Variants in PRRG1 observed in about 807,000 individuals in gnomAD.
The protein encoded by PRRG1 is transmembrane gamma-carboxyglutamic acid protein 1.
PRRG1 carries 5 observed loss-of-function variants against 11.8 expected under a neutral mutation model. That is an observed-to-expected ratio of 0.42 (90% confidence interval 0.22 to 0.89). PRRG1 has a LOEUF of 0.89. Among genes scored for constraint, PRRG1 ranks in the 40% least tolerant of loss-of-function variants. PRRG1 has a pLI of 0.28. For missense variants in PRRG1, 155 were observed against 166.1 expected, an observed-to-expected ratio of 0.93 and a Z score of 0.37; for synonymous variants, 66 against 60.4, an observed-to-expected ratio of 1.09 and a Z score of -0.43.
At chrX:37,436,720 G>GT (rs1400267741) in intron 3 of PRRG1, among the ~76,000 whole-genome samples, 6 of 112,415 alleles carry the variant, frequency 5.3e-5, no homozygotes, top group Admixed American at 1.9e-4. Context: ...TGACTAAAGA[G>GT]TTGTTAGGGA....
chrX:37,446,053 A>G (rs782088829), intron 3 of PRRG1, among the ~76,000 whole-genome samples: 2 of 112,647 alleles, frequency 1.8e-5, no homozygotes, highest in South Asian at 3.7e-4. Flanking sequence ...TAAATGTGCA[A>G]TTGTCTTTGT....
intron 3 of PRRG1, chrX:37,441,264 G>T: frequency 1.3e-6 from 1 of 765,061 alleles, no homozygotes; most frequent in South Asian, 6.6e-5. Flanking sequence ...ATAAGAGAAA[G>T]TCCTTGGACA....
chrX:37,402,234 T>G (rs1357853418), intron 1 of PRRG1, among the ~76,000 whole-genome samples: 1 of 111,392 alleles, frequency 9.0e-6, no homozygotes, highest in Non-Finnish European at 1.9e-5. Flanking sequence ...GACTTCAAAC[T>G]ATACTACAAG....
chrX:37,414,593 A>G (rs1044899667), intron 2 of PRRG1, among the ~76,000 whole-genome samples: 3 of 113,043 alleles, frequency 2.7e-5, no homozygotes, highest in East Asian at 2.8e-4. Flanking sequence ...CCCCTGGTAC[A>G]TAACACCTCT....
chrX:37,364,892 C>A (rs1930521008), intron 1 of PRRG1, among the ~76,000 whole-genome samples: 1 of 112,263 alleles, frequency 8.9e-6, no homozygotes, highest in Non-Finnish European at 1.9e-5. Context: ...TGTCTCCAAA[C>A]AGCCTTATTT....
chrX:37,411,045 T>C (rs1315948905), intron 2 of PRRG1, among the ~76,000 whole-genome samples: 2 of 112,126 alleles, frequency 1.8e-5, no homozygotes, highest in African/African-American at 3.2e-5. Flanking sequence ...CATTATAATA[T>C]AATCAGCCTT....
intron 2 of PRRG1, among the ~76,000 whole-genome samples, chrX:37,420,283 T>C (rs1455209916): frequency 1.8e-5 from 2 of 111,529 alleles, no homozygotes; most frequent in Admixed American, 1.9e-4. Flanking sequence ...TAAGATTAAA[T>C]TGATTACTCA....
rs782655836 is a variant in PRRG1, at chrX:37,386,220, CTG to C, written c.-41-19987_-41-19986del. ...TATCTAACAAATGATATCATGAATA[CTG>C]TTTTATAATTTTTTCTCTACTCAAT... On this transcript the variant is annotated intron_variant, in intron 1 of 3. Transcript: ENST00000378628. 5.4e-5 allele frequency among the ~76,000 whole-genome samples: 6 copies of C among 112,124 alleles called. No homozygotes were observed. In the East Asian group the frequency reaches 1.7e-3, roughly 31 times the overall value.
intron 1 of PRRG1, among the ~76,000 whole-genome samples, chrX:37,354,624 A>T (rs186211550): frequency 3.7e-5 from 4 of 109,319 alleles, no homozygotes; most frequent in African/African-American, 1.3e-4. Context: ...CGATCTCCTG[A>T]CCTTGTGATC....
chrX:37,400,078 CAG>C (rs1414726649), intron 1 of PRRG1, among the ~76,000 whole-genome samples: 1 of 111,276 alleles, frequency 9.0e-6, no homozygotes, highest in Non-Finnish European at 1.9e-5. Flanking sequence ...ATCAACGAGA[CAG>C]AAAGTTTACA....
At chrX:37,410,230 C>A (rs1932315321) in intron 2 of PRRG1, among the ~76,000 whole-genome samples, 1 of 111,919 alleles carries the variant, frequency 8.9e-6, no homozygotes, top group African/African-American at 3.2e-5. Context: ...ATTCCCTCTA[C>A]ATTATCTTGA....
intron 1 of PRRG1, among the ~76,000 whole-genome samples, chrX:37,393,098 T>C (rs1243036032): frequency 9.0e-6 from 1 of 111,279 alleles, no homozygotes; most frequent in African/African-American, 3.3e-5. Flanking sequence ...TTTGTTCATT[T>C]GCATAGCTTG....
intron 1 of PRRG1, among the ~76,000 whole-genome samples, chrX:37,404,743 C>T (rs1419558580): frequency 1.8e-5 from 2 of 111,326 alleles, no homozygotes; most frequent in Non-Finnish European, 3.8e-5. Context: ...CTGCTGCTTT[C>T]AAAAAAGATG....
At chrX:37,398,254 A>C (rs1336079613) in intron 1 of PRRG1, among the ~76,000 whole-genome samples, 1 of 110,972 alleles carries the variant, frequency 9.0e-6, no homozygotes, top group Non-Finnish European at 1.9e-5. Flanking sequence ...CTGACGCCTC[A>C]CACGGCCGGG....
chrX:37,399,560 G>A (rs1287456946), intron 1 of PRRG1, among the ~76,000 whole-genome samples: 2 of 107,505 alleles, frequency 1.9e-5, no homozygotes, highest in African/African-American at 6.8e-5. Context: ...AGACTAGGAA[G>A]AAACTGCATC....
intron 1 of PRRG1, among the ~76,000 whole-genome samples, chrX:37,384,631 A>C (rs1238337349): frequency 8.9e-6 from 1 of 111,856 alleles, no homozygotes; most frequent in Non-Finnish European, 1.9e-5. Context: ...TGATCCAAAA[A>C]TTGATGTATG....
At chrX:37,441,823 A>G (rs1213299033) in intron 3 of PRRG1, 2 of 783,962 alleles carry the variant, frequency 2.6e-6, no homozygotes, top group Non-Finnish European at 1.5e-6. Flanking sequence ...GCTCGAGGCC[A>G]TGGAGTGCGC....
chrX:37,350,922 G>C (rs1930039831), intron 1 of PRRG1, among the ~76,000 whole-genome samples: 1 of 110,531 alleles, frequency 9.0e-6, no homozygotes, highest in Non-Finnish European at 1.9e-5. Flanking sequence ...GTGGAGGGCG[G>C]GGAGTGTTAG....
At chrX:37,423,178 T>C (rs1454096917) in intron 2 of PRRG1, among the ~76,000 whole-genome samples, 3 of 111,034 alleles carry the variant, frequency 2.7e-5, no homozygotes, top group South Asian at 3.7e-4. Flanking sequence ...AGTTAAATTT[T>C]AACAAAAAAG....
Sources: gnomAD v4.1 joint callset for allele counts (sites outside exome capture counted in the v4.1 genomes callset) on GRCh38, gnomAD v4.1.1 for gene constraint, MANE v1.5 for transcripts, NCBI Gene and HGNC (gene_info 2026-07-23, HGNC 2026-07-21) for gene names.